The following CSN3 variants were observed in gnomAD, a reference collection of about 807,000 sequenced individuals.
CSN3 encodes the protein casein kappa, also known as kappa-casein.
In CSN3, 7 loss-of-function variants were observed where a neutral mutation model predicts 9.9. The ratio of observed to expected loss-of-function variants is 0.71; its 90% confidence interval spans 0.40 to 1.33. The LOEUF (loss-of-function observed/expected upper bound fraction) is 1.33, where lower values mean the gene tolerates loss of function less well. Ranked by LOEUF, CSN3 falls within the 40% of genes most tolerant of loss-of-function variation. The probability of loss-of-function intolerance (pLI) is 0.01; values close to 1 mark genes in which losing one functional copy is unlikely to be tolerated. For synonymous variants in CSN3, 88 were observed against 82.3 expected (o/e 1.07, Z -0.37); for missense variants, 253 against 227.9 (o/e 1.11, Z -0.71).
At chr4:70,245,901 T>A (rs1273183817) in intron 2 of CSN3, among the ~76,000 whole-genome samples, 1 of 152,152 alleles carries the variant, frequency 6.6e-6, no homozygotes, top group Non-Finnish European at 1.5e-5. Flanking sequence ...CATTTGGAAC[T>A]TAGGTTGTCT....
chr4:70,241,956 C>T (rs1373186065), upstream of CSN3, among the ~76,000 whole-genome samples: 1 of 151,610 alleles, frequency 6.6e-6, no homozygotes, highest in Admixed American at 6.6e-5. Context: ...TGTGAGATGG[C>T]CAATTATTTA....
chr4:70,247,755 T>C (rs930244947), intron 2 of CSN3, 63 bp from the exon 3 acceptor site: 17 of 1,322,840 alleles, frequency 1.3e-5, no homozygotes, highest in Middle Eastern at 2.0e-4. Context: ...TTTAACTGAT[T>C]TAAGTACTTT....
exon 4 of CSN3, chr4:70,249,488 A>G: frequency 6.5e-7 from 1 of 1,532,140 alleles, no homozygotes; most frequent in Non-Finnish European, 9.0e-7. Flanking sequence ...AAAGAACACA[A>G]CGCAGGTAAA....
exon 4 of CSN3, chr4:70,249,190 C>T (rs867658808): frequency 1.2e-6 from 2 of 1,614,044 alleles, no homozygotes; most frequent in Non-Finnish European, 1.7e-6. Flanking sequence ...TGCCCAAATT[C>T]CTCAGCGGCA....
At chr4:70,246,868 C>T (rs893141809) in intron 2 of CSN3, among the ~76,000 whole-genome samples, 1 of 151,948 alleles carries the variant, frequency 6.6e-6, no homozygotes. Context: ...GGCAGGGTTT[C>T]ACCATGTTGG....
chr4:70,250,543 T>C (rs41508150), intron 4 of CSN3, among the ~76,000 whole-genome samples: 17,374 of 152,180 alleles, frequency 0.11, 1,308 homozygotes, highest in East Asian at 0.27. Flanking sequence ...AAATGTCATG[T>C]ATTGGAAAAG....
chr4:70,249,657 C>T (rs1012277298), intron 4 of CSN3, among the ~76,000 whole-genome samples, 164 bp downstream of exon 4: 7 of 152,116 alleles, frequency 4.6e-5, no homozygotes, highest in African/African-American at 1.2e-4. Context: ...AGCATTGATA[C>T]ACCAGATTCT....
At chr4:70,238,512 G>A (rs1730215428), upstream of CSN3, among the ~76,000 whole-genome samples, 1 of 151,894 alleles carries the variant, frequency 6.6e-6, no homozygotes, top group South Asian at 2.1e-4. Flanking sequence ...CAAAAAGTTT[G>A]AATGTATTGT....
exon 2 of CSN3, chr4:70,244,866 C>G: frequency 6.4e-7 from 1 of 1,565,202 alleles, no homozygotes; most frequent in Non-Finnish European, 8.7e-7. Flanking sequence ...TTAACCCTGC[C>G]TTTTTTGGTA....
At chr4:70,239,295 A>G (rs1362289239), upstream of CSN3, among the ~76,000 whole-genome samples, 1 of 151,836 alleles carries the variant, frequency 6.6e-6, no homozygotes, top group African/African-American at 2.4e-5. Flanking sequence ...AGCTGCTACA[A>G]CATTGAGTGG....
chr4:70,247,475 T>C (rs1406419728), intron 2 of CSN3, among the ~76,000 whole-genome samples: 1 of 152,150 alleles, frequency 6.6e-6, no homozygotes, highest in Non-Finnish European at 1.5e-5. Flanking sequence ...TCTAACAATG[T>C]ATATTTAATA....
At position 70,243,982 on chromosome 4, in the gene CSN3, A is replaced by G. The variant is rs1224530587; in HGVS notation, c.-8-830A>G. ...CATCCTACATACTTCTGTTGGATTG[A>G]TCATGGAATTATAGAATTTTAGAAA... On this transcript the variant is annotated intron_variant, in intron 1 of 4. Transcript: ENST00000304954. Among the ~76,000 whole-genome samples, 11 of 152,152 alleles carry G rather than the reference A, an allele frequency of 7.2e-5. No individual in the cohort carries two copies. In the East Asian group the frequency reaches 2.1e-3, roughly 30 times the overall value.
chr4:70,241,722 C>G (rs1730273397), upstream of CSN3, among the ~76,000 whole-genome samples: 2 of 104,670 alleles, frequency 1.9e-5, no homozygotes, highest in Non-Finnish European at 3.8e-5. Flanking sequence ...ATCTCCAATT[C>G]AATAATTTAA....
At chr4:70,244,558 A>AT (rs1165995068) in intron 1 of CSN3, among the ~76,000 whole-genome samples, 2 of 152,080 alleles carry the variant, frequency 1.3e-5, no homozygotes, top group Non-Finnish European at 2.9e-5. Flanking sequence ...TCATATTTAC[A>AT]TTGATAATCT....
chr4:70,249,459 A>G (rs368478632), exon 4 of CSN3: 1 of 1,607,860 alleles, frequency 6.2e-7, no homozygotes, highest in Non-Finnish European at 8.5e-7. Flanking sequence ...CTACGGCATA[A>G]AAACACCAAG....
At chr4:70,246,180 C>G (rs1179745387) in intron 2 of CSN3, among the ~76,000 whole-genome samples, 1 of 152,040 alleles carries the variant, frequency 6.6e-6, no homozygotes, top group African/African-American at 2.4e-5. Flanking sequence ...TATCCCTTCC[C>G]CCAAAATAAA....
upstream of CSN3, among the ~76,000 whole-genome samples, chr4:70,240,047 G>C (rs1415986566): frequency 1.3e-5 from 2 of 151,784 alleles, no homozygotes; most frequent in Non-Finnish European, 2.9e-5. Flanking sequence ...GGTCAGCCTG[G>C]TACTAATGAA....
upstream of CSN3, among the ~76,000 whole-genome samples, chr4:70,241,898 T>C (rs1730278074): frequency 1.3e-5 from 2 of 152,144 alleles, no homozygotes; most frequent in Non-Finnish European, 2.9e-5. Context: ...CTGATTAAAA[T>C]GTTTCATATA....
chr4:70,245,394 T>G (rs1410736781), intron 2 of CSN3, among the ~76,000 whole-genome samples: 3 of 152,188 alleles, frequency 2.0e-5, no homozygotes, highest in Non-Finnish European at 4.4e-5. Flanking sequence ...ACTTTTGTTA[T>G]ATTCTTCCCC....
Sources: allele counts gnomAD v4.1 joint callset (sites outside exome capture counted in the v4.1 genomes callset), GRCh38; gene constraint gnomAD v4.1.1; transcripts MANE v1.5; gene names NCBI Gene and HGNC (gene_info 2026-07-23, HGNC 2026-07-21).